The following PRIMPOL variants were observed in gnomAD, a reference collection of about 807,000 sequenced individuals.
The protein encoded by PRIMPOL is primase and DNA directed polymerase.
PRIMPOL carries 54 observed loss-of-function variants against 63.6 expected under a neutral mutation model. The ratio of observed to expected loss-of-function variants is 0.85; its 90% CI spans 0.68 to 1.07. The LOEUF (loss-of-function observed/expected upper bound fraction) is 1.07, where lower values mean the gene tolerates loss of function less well. PRIMPOL is among the 50% of genes least tolerant of loss of function. The pLI, the probability that PRIMPOL is intolerant of heterozygous loss-of-function variation, is 0.00. For missense variants in PRIMPOL, 610 were observed against 648.3 expected (o/e 0.94, Z 0.64); for synonymous variants, 197 against 220.2 (o/e 0.89, Z 0.93).
intron 8 of PRIMPOL, among the ~76,000 whole-genome samples, chr4:184,680,258 GCTTA>G (rs2150132152): frequency 6.6e-6 from 1 of 152,180 alleles, no homozygotes; most frequent in Admixed American, 6.5e-5. Flanking sequence ...TGCGATCTCA[GCTTA>G]CTGCAACCTC....
rs183364215 is a variant in PRIMPOL, at chr4:184,680,394, G to C, written c.1008-1854G>C. The stretch of plus-strand genomic sequence containing the variant: ...GTAGAGATGGGGTTTCCCCATGTTG[G>C]GGGGGCCGGTCTCAAACTCCTGACC... On this transcript the variant is annotated intron_variant, in intron 8 of 13. Transcript: ENST00000314970. Among the ~76,000 whole-genome samples, 592 of 152,194 alleles carry C rather than the reference G, an allele frequency of 3.9e-3. 2 individuals carry two copies. The highest frequency in any genetic ancestry group is 6.3e-3 in the Non-Finnish European group (427 of 67,994).
At chr4:184,675,445 C>T (rs1279425462) in intron 7 of PRIMPOL, among the ~76,000 whole-genome samples, 1 of 152,110 alleles carries the variant, frequency 6.6e-6, no homozygotes, top group Non-Finnish European at 1.5e-5. Flanking sequence ...TAATTATTTT[C>T]TAACATTTTC....
At chr4:184,693,649 C>T (rs1056038731) in intron 13 of PRIMPOL, among the ~76,000 whole-genome samples, 1 of 152,164 alleles carries the variant, frequency 6.6e-6, no homozygotes, top group African/African-American at 2.4e-5. Context: ...GCCTAACCTA[C>T]AGAAATGTAC....
rs1322163448 is a variant in PRIMPOL at position 184,666,042 on chromosome 4, A to G, written c.534A>G (p.Ala178=). The change falls in exon 6 of 14, where the codon GCA becomes GCG. Residue 178 remains alanine (A), a synonymous_variant. Coordinates refer to ENST00000314970, the MANE Select transcript of PRIMPOL (RefSeq NM_152683.4). ...RHLIFQLHDV[A]FKDNIHVGNF... is the part of the protein sequence containing the mutation. ...TAATATTTCAGCTCCATGATGTGGC[A>G]TTTAAAGATAATATTCATGTTGGTA... 3 of 1,605,934 alleles carry G rather than the reference A, an allele frequency of 1.9e-6. No individual in the cohort carries two copies. The African/African-American group carries it at 4.0e-5, about 22-fold the overall frequency.
chr4:184,657,040 A>G, intron 2 of PRIMPOL, 42 bp from the exon 3 acceptor site: 1 of 845,396 alleles, frequency 1.2e-6, no homozygotes, highest in Non-Finnish European at 1.7e-6. Flanking sequence ...ATATATTCTA[A>G]ACAAAGAAAT....
Position 184,694,552 on chromosome 4 carries a change from G to A in PRIMPOL, c.1456G>A (p.Glu486Lys). 11 of 1,613,040 alleles carry A rather than the reference G, an allele frequency of 6.8e-6. No individual in the cohort carries two copies. The highest frequency in any genetic ancestry group is 9.3e-6 in the Non-Finnish European group (11 of 1,179,864). The change falls in exon 14 of 14, where the codon GAA becomes AAA. Residue 486 changes from glutamate to lysine, a missense_variant. Glu to Lys is a moderately conservative substitution (Grantham distance 56). Coordinates refer to ENST00000314970, the MANE Select transcript of PRIMPOL (RefSeq NM_152683.4). ...EEEFTTDEAD[E>K]TRSNETQNPH... is the part of the protein sequence containing the mutation. ...AGAGTTTACAACAGATGAAGCAGAT[G>A]AAACTAGGAGCAATGAAACCCAGAA...
intron 11 of PRIMPOL, among the ~76,000 whole-genome samples, chr4:184,689,055 AT>A (rs1014145594): frequency 6.7e-6 from 1 of 148,716 alleles, no homozygotes; most frequent in Non-Finnish European, 1.5e-5. Flanking sequence ...CCATTTTTTC[AT>A]TTTTTTGAGA....
rs562953789 is a variant in PRIMPOL at position 184,684,435 on chromosome 4, A to ACAG, written c.1097-974_1097-973insCAG. 8.9e-3 allele frequency among the ~76,000 whole-genome samples: 1,353 copies of ACAG among 151,700 alleles called. 26 individuals carry two copies. Among genetic ancestry groups the ACAG allele is most frequent in the African/African-American group, 0.032 (1,305 of 41,370 alleles). Reference sequence around the variant, plus strand: ...CGCGCCACTGCACTCCAGCCTGGGCAACAGAGCAAGACTCTGTCTCAAGAA... The same window carrying ACAG: ...CGCGCCACTGCACTCCAGCCTGGGCACAGACAGAGCAAGACTCTGTCTCAAGAA... On this transcript the variant is annotated intron_variant, in intron 9 of 13. Coordinates refer to ENST00000314970, the MANE Select transcript of PRIMPOL (RefSeq NM_152683.4).
At chr4:184,680,325 C>T (rs1450218496) in intron 8 of PRIMPOL, among the ~76,000 whole-genome samples, 1 of 152,040 alleles carries the variant, frequency 6.6e-6, no homozygotes, top group African/African-American at 2.4e-5. Flanking sequence ...GTAGCTGGGA[C>T]TACAGGTGTG....
intron 11 of PRIMPOL, among the ~76,000 whole-genome samples, chr4:184,686,706 C>T (rs1042513111): frequency 6.6e-6 from 1 of 152,042 alleles, no homozygotes; most frequent in Admixed American, 6.6e-5. Context: ...CAAGCATATG[C>T]GGCCTGTGTG....
At chr4:184,690,763 A>G (rs1324768015) in intron 11 of PRIMPOL, among the ~76,000 whole-genome samples, 1 of 152,204 alleles carries the variant, frequency 6.6e-6, no homozygotes, top group African/African-American at 2.4e-5. Flanking sequence ...AGATTTTAAG[A>G]CTATAAATTA....
intron 8 of PRIMPOL, among the ~76,000 whole-genome samples, chr4:184,678,631 C>T (rs1754749462): frequency 6.6e-6 from 1 of 151,246 alleles, no homozygotes; most frequent in Non-Finnish European, 1.5e-5. Flanking sequence ...GGGTTCATGC[C>T]ATTCTCCTGC....
chr4:184,691,571 CA>C lies in PRIMPOL; in HGVS notation c.1371del (p.Lys457AsnfsTer67). ...ACCCTGTATGTAAAGCAGAAAACTTCAAATCTGACTGTAAGTTACTAATTTT... is the reference window on the plus strand; with the variant it reads ...ACCCTGTATGTAAAGCAGAAAACTTCAATCTGACTGTAAGTTACTAATTTT... ...HDPVCKAENFKSDCFPLPAEV... is the reference protein window; with the variant it reads ...HDPVCKAENFXSDCFPLPAEV... On this transcript the variant is annotated frameshift_variant, in exon 12 of 14. Coordinates refer to ENST00000314970, the MANE Select transcript of PRIMPOL (RefSeq NM_152683.4). LOFTEE classifies it high-confidence loss of function. 6.2e-7 allele frequency: 1 copy of C among 1,606,462 alleles called. No homozygotes were observed. Among genetic ancestry groups the C allele is most frequent in the Non-Finnish European group, 8.5e-7 (1 of 1,174,840 alleles).
chr4:184,657,405 T>A (rs1746772100), intron 3 of PRIMPOL, 85 bp downstream of exon 3: 176 of 959,336 alleles, frequency 1.8e-4, no homozygotes, highest in South Asian at 3.3e-4. Flanking sequence ...TTCAGTTCTT[T>A]AAAAAAAAAA....
chr4:184,687,971 C>T (rs999815477), intron 11 of PRIMPOL, among the ~76,000 whole-genome samples: 1 of 152,214 alleles, frequency 6.6e-6, no homozygotes, highest in Non-Finnish European at 1.5e-5. Context: ...TCTCCCTTGC[C>T]TTGCGGTAGC....
chr4:184,678,487 A>T, intron 8 of PRIMPOL, 93 bp downstream of exon 8: 1 of 918,756 alleles, frequency 1.1e-6, no homozygotes, highest in Non-Finnish European at 1.6e-6. Context: ...AATCATCTAA[A>T]TTCATTCTAC....
At chr4:184,673,275 G>T (rs1245419897) in intron 7 of PRIMPOL, among the ~76,000 whole-genome samples, 1 of 147,910 alleles carries the variant, frequency 6.8e-6, no homozygotes, top group Non-Finnish European at 1.5e-5. Flanking sequence ...GACTACAGGC[G>T]CCCGCCACCG....
chr4:184,658,168 A>C (rs1234382249), intron 3 of PRIMPOL, among the ~76,000 whole-genome samples: 2 of 151,922 alleles, frequency 1.3e-5, no homozygotes, highest in African/African-American at 4.8e-5. Context: ...GAGTCTGATC[A>C]CTGTTGCTGT....
chr4:184,652,472 T>G (rs1335180323), intron 2 of PRIMPOL, among the ~76,000 whole-genome samples: 1 of 151,974 alleles, frequency 6.6e-6, no homozygotes, highest in Non-Finnish European at 1.5e-5. Flanking sequence ...TGGGGAAATT[T>G]AAATATGAGT....
Sources: allele counts gnomAD v4.1 joint callset (sites outside exome capture counted in the v4.1 genomes callset), GRCh38; gene constraint gnomAD v4.1.1; transcripts MANE v1.5; gene names NCBI Gene and HGNC (gene_info 2026-07-23, HGNC 2026-07-21).